AMBRA1: variants seen among roughly 807,000 people sequenced by gnomAD.
AMBRA1 encodes the protein activating molecule in BECN1-regulated autophagy protein 1.
In AMBRA1, 47 loss-of-function variants were observed where a neutral mutation model predicts 125.4. The observed-to-expected ratio is 0.37, with a 90% CI of 0.30 to 0.48. The LOEUF (loss-of-function observed/expected upper bound fraction) is 0.48. Ranked by LOEUF, AMBRA1 falls within the 20% of genes least tolerant of loss-of-function variation. AMBRA1 has a pLI of 0.99. For synonymous variants in AMBRA1, 626 were observed against 655.5 expected, an observed-to-expected ratio of 0.95 and a Z score of 0.69; for missense variants, 1,331 against 1,693.4, an observed-to-expected ratio of 0.79 and a Z score of 3.76.
At chr11:46,507,307 A>G (rs986013042) in intron 9 of AMBRA1, among the ~76,000 whole-genome samples, 21 of 149,974 alleles carry the variant, frequency 1.4e-4, no homozygotes, top group Non-Finnish European at 2.2e-4. Flanking sequence ...GTGAAACCCC[A>G]TCTCTACTAA....
At chr11:46,420,629 G>A (rs966752357) in intron 14 of AMBRA1, among the ~76,000 whole-genome samples, 3 of 152,302 alleles carry the variant, frequency 2.0e-5, no homozygotes, top group East Asian at 3.9e-4. Context: ...CAATGTGGGT[G>A]TGATGAGACA....
chr11:46,432,930 T>C (rs1441837504), intron 14 of AMBRA1, among the ~76,000 whole-genome samples: 1 of 152,174 alleles, frequency 6.6e-6, no homozygotes, highest in Non-Finnish European at 1.5e-5. Flanking sequence ...CCAGAAGGCT[T>C]TTATGGCAAT....
chr11:46,403,929 G>A (rs1945880088), intron 17 of AMBRA1, among the ~76,000 whole-genome samples: 2 of 152,164 alleles, frequency 1.3e-5, no homozygotes, highest in Non-Finnish European at 2.9e-5. Context: ...GCTGCATGTG[G>A]CGGCTCACGC....
chr11:46,586,350 A>G (rs907145564), intron 1 of AMBRA1, among the ~76,000 whole-genome samples: 3 of 152,202 alleles, frequency 2.0e-5, no homozygotes, highest in Non-Finnish European at 4.4e-5. Context: ...CAGAGGCTGC[A>G]ATGAGCCAAG....
At chr11:46,560,729 T>C (rs1202982883) in intron 1 of AMBRA1, among the ~76,000 whole-genome samples, 2 of 152,268 alleles carry the variant, frequency 1.3e-5, no homozygotes, top group East Asian at 3.9e-4. Context: ...GGTTTCAAGC[T>C]ATCAAAAGAA....
At chr11:46,401,287 C>T (rs1479162779) in intron 17 of AMBRA1, among the ~76,000 whole-genome samples, 1 of 152,144 alleles carries the variant, frequency 6.6e-6, no homozygotes, top group Non-Finnish European at 1.5e-5. Context: ...GTCGCCCAGA[C>T]TGGAGTGCAG....
intron 9 of AMBRA1, among the ~76,000 whole-genome samples, chr11:46,497,603 C>A (rs1340873427): frequency 6.6e-6 from 1 of 152,108 alleles, no homozygotes; most frequent in Non-Finnish European, 1.5e-5. Flanking sequence ...AGAAAAGAAC[C>A]CACAGACCTC....
intron 1 of AMBRA1, among the ~76,000 whole-genome samples, chr11:46,587,177 C>T (rs2044432279): frequency 2.0e-5 from 3 of 152,058 alleles, no homozygotes; most frequent in South Asian, 2.1e-4. Context: ...GTCAGGAGTT[C>T]GAGATCTGCC....
Position 46,416,555 on chromosome 11 carries a change from G to A in AMBRA1, c.3116+1358C>T, listed in dbSNP as rs147211027. Among the ~76,000 whole-genome samples, 161 of 152,288 alleles carry A rather than the reference G, an allele frequency of 1.1e-3. 1 individual carries two copies. Among genetic ancestry groups the A allele is most frequent in the African/African-American group, 3.7e-3 (152 of 41,558 alleles). On this transcript the variant is annotated intron_variant, in intron 15 of 17. Transcript: ENST00000683756. Reference sequence around the variant, plus strand: ...CCTAGGCCACTGACCTAATTCAGCCGATAAGGACTCAATCAGCACTTCCCT... The same window carrying A: ...CCTAGGCCACTGACCTAATTCAGCCAATAAGGACTCAATCAGCACTTCCCT...
At chr11:46,416,211 CT>C (rs1192431824) in intron 15 of AMBRA1, among the ~76,000 whole-genome samples, 2 of 152,112 alleles carry the variant, frequency 1.3e-5, no homozygotes, top group African/African-American at 4.8e-5. Flanking sequence ...CTCTTATGAA[CT>C]GTTAAGAAAA....
chr11:46,535,950 A>G (rs1450615859), intron 7 of AMBRA1, among the ~76,000 whole-genome samples: 2 of 152,222 alleles, frequency 1.3e-5, no homozygotes, highest in African/African-American at 4.8e-5. Flanking sequence ...CATAGCACAC[A>G]GTGAAACATC....
At chr11:46,429,791 AG>A (rs1947363984) in intron 14 of AMBRA1, among the ~76,000 whole-genome samples, 1 of 152,158 alleles carries the variant, frequency 6.6e-6, no homozygotes, top group Non-Finnish European at 1.5e-5. Flanking sequence ...GAAAGCCGAG[AG>A]GGAACACAGG....
At chr11:46,546,332 G>A (rs542944025) in intron 4 of AMBRA1, among the ~76,000 whole-genome samples, 8 of 152,056 alleles carry the variant, frequency 5.3e-5, no homozygotes, top group Non-Finnish European at 1.0e-4. Flanking sequence ...GAGCCACCGC[G>A]CCCAGCCCAC....
At chr11:46,565,491 G>C (rs1309350698) in intron 1 of AMBRA1, among the ~76,000 whole-genome samples, 1 of 151,254 alleles carries the variant, frequency 6.6e-6, no homozygotes, top group Non-Finnish European at 1.5e-5. Context: ...CAGATTGCTT[G>C]AGCCCAAGAG....
At chr11:46,461,485 G>C (rs1453080136) in intron 11 of AMBRA1, among the ~76,000 whole-genome samples, 1 of 152,174 alleles carries the variant, frequency 6.6e-6, no homozygotes. Flanking sequence ...GGAATACAAA[G>C]GAAAGAACAT....
chr11:46,557,380 C>A (rs114070111), intron 1 of AMBRA1, among the ~76,000 whole-genome samples: 1 of 151,772 alleles, frequency 6.6e-6, no homozygotes, highest in African/African-American at 2.4e-5. Flanking sequence ...AAAGTTTAGG[C>A]CACAAAGCCC....
chr11:46,532,570 G>A (rs111525722), intron 7 of AMBRA1, among the ~76,000 whole-genome samples: 1,777 of 152,228 alleles, frequency 0.012, 41 homozygotes, highest in African/African-American at 0.041. Flanking sequence ...CCAAATAGCT[G>A]GGACTACAGG....
intron 1 of AMBRA1, among the ~76,000 whole-genome samples, chr11:46,571,009 T>C (rs1393162192): frequency 6.6e-6 from 1 of 152,166 alleles, no homozygotes; most frequent in African/African-American, 2.4e-5. Context: ...TGTACTGAAA[T>C]GTGGCAAGTG....
intron 7 of AMBRA1, among the ~76,000 whole-genome samples, chr11:46,540,568 C>T (rs1235111327): frequency 1.3e-5 from 2 of 152,180 alleles, no homozygotes; most frequent in Non-Finnish European, 2.9e-5. Flanking sequence ...CCCTCTGCTT[C>T]CTACCCAGGG....
Sources: gnomAD v4.1 joint callset for allele counts (sites outside exome capture counted in the v4.1 genomes callset) on GRCh38, gnomAD v4.1.1 for gene constraint, MANE v1.5 for transcripts, NCBI Gene and HGNC (gene_info 2026-07-23, HGNC 2026-07-21) for gene names.